LOXHD1: variants seen among roughly 807,000 people sequenced by gnomAD.
LOXHD1 encodes lipoxygenase homology domain-containing protein 1.
A neutral mutation model predicts 248.2 loss-of-function variants in LOXHD1; 205 were observed. That is an observed-to-expected ratio of 0.83 (90% CI 0.74 to 0.93). The LOEUF is 0.93. Ranked by LOEUF, LOXHD1 falls within the 40% of genes least tolerant of loss-of-function variation. The probability of loss-of-function intolerance (pLI) is 0.00; values close to 1 mark genes in which losing one functional copy is unlikely to be tolerated. For synonymous variants in LOXHD1, 1,113 were observed against 1,162.8 expected, an observed-to-expected ratio of 0.96 and a Z score of 0.87; for missense variants, 2,930 against 2,971.6, an observed-to-expected ratio of 0.99 and a Z score of 0.33.
chr18:46,553,010 G>A (rs1479440488), intron 21 of LOXHD1, among the ~76,000 whole-genome samples: 1 of 152,074 alleles, frequency 6.6e-6, no homozygotes, highest in Non-Finnish European at 1.5e-5. Flanking sequence ...GATGCCATCT[G>A]GCCCCAAAGA....
At position 46,559,041 on chromosome 18, in the gene LOXHD1, A is replaced by G. The variant is rs2037448028; in HGVS notation, c.3216+407T>C. On this transcript the variant is annotated intron_variant, in intron 20 of 40. Transcript: ENST00000642948. ...GTTCCATCTTCTGAGAACATCTTCC[A>G]CTGTTGCCTTTATATGTCTACACCA... 2.7e-5 allele frequency: 22 copies of G among 812,428 alleles called. No homozygotes were observed. The Admixed American group carries it at 4.0e-4, about 15-fold the overall frequency. The allele number at this position is 812,428 out of a possible 1,614,324, so 50.3% of individuals were successfully genotyped here. A position where few individuals can be genotyped will look rare whatever the true frequency, so the allele number is the denominator to read the frequency against.
chr18:46,583,351 T>A (rs1408399141), intron 12 of LOXHD1, among the ~76,000 whole-genome samples: 2 of 152,132 alleles, frequency 1.3e-5, no homozygotes, highest in Non-Finnish European at 2.9e-5. Context: ...CAAAAACTTT[T>A]GCACAGCAAA....
At chr18:46,562,947 TGGAG>T in intron 18 of LOXHD1, 114 bp downstream of exon 18, 3 of 1,237,670 alleles carry the variant, frequency 2.4e-6, no homozygotes, top group East Asian at 2.6e-5. Context: ...TCCACCCAAC[TGGAG>T]GGAGGCAGCC....
chr18:46,557,327 C>G, intron 21 of LOXHD1, 29 bp downstream of exon 21: 1 of 1,552,268 alleles, frequency 6.4e-7, no homozygotes, highest in Non-Finnish European at 8.7e-7. Flanking sequence ...AGAGCAACAC[C>G]CCTCCCTGCC....
At chr18:46,576,820 T>G (rs1273904525) in intron 14 of LOXHD1, among the ~76,000 whole-genome samples, 1 of 152,164 alleles carries the variant, frequency 6.6e-6, no homozygotes, top group South Asian at 2.1e-4. Context: ...GCAGCAGATG[T>G]GTGCCTGTGT....
intron 4 of LOXHD1, among the ~76,000 whole-genome samples, chr18:46,623,240 T>G (rs1048025715): frequency 6.6e-6 from 1 of 152,216 alleles, no homozygotes; most frequent in Non-Finnish European, 1.5e-5. Context: ...CTACAAGCTC[T>G]CTGATGTGAA....
chr18:46,483,510 T>C, intron 40 of LOXHD1, 77 bp downstream of exon 40: 1 of 1,525,082 alleles, frequency 6.6e-7, no homozygotes, highest in Non-Finnish European at 8.9e-7. Flanking sequence ...TACCCTGCTC[T>C]CTTGCCCATG....
chr18:46,619,083 A>G (rs1485303683), intron 4 of LOXHD1, among the ~76,000 whole-genome samples: 1 of 152,188 alleles, frequency 6.6e-6, no homozygotes, highest in Non-Finnish European at 1.5e-5. Context: ...AGCAAAGGTC[A>G]GGGGTTGGTA....
chr18:46,581,881 A>T (rs1164282941), intron 12 of LOXHD1, among the ~76,000 whole-genome samples: 1 of 152,268 alleles, frequency 6.6e-6, no homozygotes, highest in African/African-American at 2.4e-5. Context: ...TATAGAGGCC[A>T]GAAAGCAGTG....
At chr18:46,556,458 AG>A (rs2037334073) in intron 21 of LOXHD1, among the ~76,000 whole-genome samples, 1 of 152,120 alleles carries the variant, frequency 6.6e-6, no homozygotes, top group African/African-American at 2.4e-5. Flanking sequence ...GTCATCTCAC[AG>A]GGCAGGTGAC....
chr18:46,599,312 G>A (rs1039731888), intron 8 of LOXHD1, among the ~76,000 whole-genome samples: 10 of 152,080 alleles, frequency 6.6e-5, no homozygotes, highest in Non-Finnish European at 1.3e-4. Context: ...TAGAGCCTAG[G>A]AATCTATTTT....
chr18:46,639,582 G>A (rs1282105213), intron 4 of LOXHD1, 34 bp downstream of exon 4: 4 of 1,536,248 alleles, frequency 2.6e-6, no homozygotes, highest in Non-Finnish European at 2.6e-6. Context: ...CCCAGCTAGG[G>A]AGGGATGGCA....
chr18:46,525,983 G>A (rs1206590265), intron 29 of LOXHD1, among the ~76,000 whole-genome samples: 2 of 152,254 alleles, frequency 1.3e-5, no homozygotes, highest in East Asian at 3.9e-4. Flanking sequence ...AGCTGCAGCT[G>A]GGGGGCTGGG....
Position 46,524,740 on chromosome 18 carries a change from C to A in LOXHD1, c.4708G>T (p.Asp1570Tyr). 1 of 1,551,760 alleles carries A rather than the reference C, an allele frequency of 6.4e-7. No individual in the cohort carries two copies. The highest frequency in any genetic ancestry group is 8.7e-7 in the Non-Finnish European group (1 of 1,147,010). Residue 1570 changes from aspartate to tyrosine, a missense_variant, in exon 30 of 41, where the codon GAT becomes TAT. Coordinates refer to ENST00000642948, the MANE Select transcript of LOXHD1 (RefSeq NM_001384474.1). ...CGRWLSLKKE[D>Y]GRLERLFYEK... ...TAAAAGAGCCTCTCGAGTCGCCCAT[C>A]CTCCTTCTTCAGGGAGAGCCAGCGC...
chr18:46,650,415 T>C (rs2039094168), intron 1 of LOXHD1, among the ~76,000 whole-genome samples: 1 of 152,202 alleles, frequency 6.6e-6, no homozygotes, highest in Non-Finnish European at 1.5e-5. Flanking sequence ...ATTGTATTAA[T>C]ACAAGTACTT....
chr18:46,478,504 T>C (rs995579211), intron 40 of LOXHD1, among the ~76,000 whole-genome samples: 13 of 152,236 alleles, frequency 8.5e-5, no homozygotes, highest in African/African-American at 3.1e-4. Flanking sequence ...CTACCTGTGG[T>C]CAATTCTCTA....
At chr18:46,646,120 G>A (rs540703785) in intron 2 of LOXHD1, among the ~76,000 whole-genome samples, 1 of 152,372 alleles carries the variant, frequency 6.6e-6, no homozygotes, top group East Asian at 1.9e-4. Flanking sequence ...GGAAAATGCA[G>A]TTGGTTCTAG....
intron 12 of LOXHD1, among the ~76,000 whole-genome samples, chr18:46,580,243 G>A (rs1370740039): frequency 1.3e-5 from 2 of 152,218 alleles, no homozygotes; most frequent in African/African-American, 2.4e-5. Context: ...ACCCAAACAT[G>A]TTTGCCCTCA....
chr18:46,654,627 C>T (rs1382825102), intron 1 of LOXHD1, among the ~76,000 whole-genome samples: 1 of 152,220 alleles, frequency 6.6e-6, no homozygotes, highest in Non-Finnish European at 1.5e-5. Flanking sequence ...AACACCTAGG[C>T]TTTTCTTCCC....
Sources: gnomAD v4.1 joint callset for allele counts (sites outside exome capture counted in the v4.1 genomes callset) on GRCh38, gnomAD v4.1.1 for gene constraint, MANE v1.5 for transcripts, NCBI Gene and HGNC (gene_info 2026-07-23, HGNC 2026-07-21) for gene names.